Variants in FGGY observed in about 807,000 individuals in gnomAD.
FGGY encodes FGGY carbohydrate kinase domain-containing protein.
In FGGY, 72 loss-of-function variants were observed where a neutral mutation model predicts 71.3. That is an observed-to-expected ratio of 1.01 (90% CI 0.84 to 1.23). The LOEUF (loss-of-function observed/expected upper bound fraction) is 1.23. Ranked by LOEUF, FGGY falls within the 50% of genes most tolerant of loss-of-function variation. The pLI is 0.00. For synonymous variants in FGGY, 251 were observed against 250.3 expected, an observed-to-expected ratio of 1.00 and a Z score of -0.02; for missense variants, 668 against 682.3, an observed-to-expected ratio of 0.98 and a Z score of 0.23.
intron 7 of FGGY, among the ~76,000 whole-genome samples, chr1:59,539,786 G>T (rs1052245790): frequency 3.3e-5 from 5 of 152,118 alleles, no homozygotes; most frequent in African/African-American, 1.2e-4. Flanking sequence ...TTCATCAAAA[G>T]CTTCCATTAA....
intron 12 of FGGY, among the ~76,000 whole-genome samples, chr1:59,665,473 C>A (rs1309963824): frequency 2.6e-5 from 4 of 152,162 alleles, no homozygotes; most frequent in African/African-American, 9.7e-5. Flanking sequence ...CCCTGTCCCT[C>A]ATGATTTATG....
intron 5 of FGGY, among the ~76,000 whole-genome samples, chr1:59,456,218 G>A (rs1216058780): frequency 6.6e-6 from 1 of 152,128 alleles, no homozygotes; most frequent in African/African-American, 2.4e-5. Flanking sequence ...GCGCATTCCA[G>A]ATACCATGTA....
At chr1:59,534,979 C>G (rs1221208364) in intron 7 of FGGY, among the ~76,000 whole-genome samples, 7 of 151,388 alleles carry the variant, frequency 4.6e-5, no homozygotes, top group African/African-American at 1.7e-4. Context: ...TCACACATAA[C>G]AATATTAACT....
chr1:59,307,113 G>A (rs1054982577), intron 1 of FGGY, among the ~76,000 whole-genome samples: 3 of 152,086 alleles, frequency 2.0e-5, no homozygotes, highest in East Asian at 1.9e-4. Context: ...CCAGGAATTC[G>A]AGACCAGCCT....
chr1:59,581,893 T>C (rs933186210), intron 8 of FGGY, among the ~76,000 whole-genome samples: 1 of 150,004 alleles, frequency 6.7e-6, no homozygotes, highest in African/African-American at 2.5e-5. Flanking sequence ...GGGACCGATA[T>C]GTTTAGCTAT....
intron 5 of FGGY, among the ~76,000 whole-genome samples, chr1:59,427,121 C>T (rs2066519830): frequency 6.6e-6 from 1 of 152,136 alleles, no homozygotes; most frequent in Admixed American, 6.5e-5. Context: ...TTCAATTCTC[C>T]CTTTGGAAAG....
At chr1:59,365,148 G>T (rs916850540) in intron 4 of FGGY, among the ~76,000 whole-genome samples, 1 of 152,198 alleles carries the variant, frequency 6.6e-6, no homozygotes. Flanking sequence ...GTTATTCAGC[G>T]TGTAGTTGGT....
At chr1:59,552,588 G>A (rs1308468552) in intron 7 of FGGY, among the ~76,000 whole-genome samples, 1 of 152,168 alleles carries the variant, frequency 6.6e-6, no homozygotes, top group Non-Finnish European at 1.5e-5. Flanking sequence ...TTCAGTATCT[G>A]GGGATTTGTG....
intron 1 of FGGY, among the ~76,000 whole-genome samples, chr1:59,311,240 A>ATT (rs1557501644): frequency 1.5e-3 from 222 of 151,798 alleles, no homozygotes; most frequent in African/African-American, 4.1e-3. Context: ...ACAAACCTGA[A>ATT]ATTTTTTTTT....
chr1:59,394,505 A>G (rs2061085144), intron 5 of FGGY, among the ~76,000 whole-genome samples: 1 of 152,134 alleles, frequency 6.6e-6, no homozygotes, highest in Non-Finnish European at 1.5e-5. Flanking sequence ...TCTTATTTAT[A>G]TTTCATGGGC....
Position 59,499,303 on chromosome 1 carries a change from T to G in FGGY, c.671-13008T>G, listed in dbSNP as rs1178831954. ...AACCCTATGTATACTATGTTTGTTTTTTTTTTTTTTTTGATCTGGTAACTG... is the reference window on the plus strand; with the variant it reads ...AACCCTATGTATACTATGTTTGTTTGTTTTTTTTTTTTGATCTGGTAACTG... On this transcript the variant is annotated intron_variant, in intron 6 of 15. Coordinates refer to ENST00000303721, the MANE Select transcript of FGGY (RefSeq NM_018291.5). Among the ~76,000 whole-genome samples the G allele has an allele frequency of 2.1e-4, 30 of 143,760 alleles. 1 individual carries two copies. Among genetic ancestry groups the G allele is most frequent in the South Asian group, 6.5e-4 (3 of 4,584 alleles). 94.3% of individuals were successfully genotyped at this position (143,760 alleles called of 152,430 possible). A position where few individuals can be genotyped will look rare whatever the true frequency, so the allele number is the denominator to read the frequency against.
Position 59,386,322 on chromosome 1 carries a change from T to C in FGGY, c.554+7485T>C, listed in dbSNP as rs61788355. On this transcript the variant is annotated intron_variant, in intron 5 of 15. Transcript: ENST00000303721. ...TGACAGTTTTGAAGTGTATTGGTCA[T>C]GTATATTGTTGGATGTCCCTCCATT... 7.1e-3 allele frequency among the ~76,000 whole-genome samples: 1,085 copies of C among 152,342 alleles called. 10 individuals are homozygous for C. Among genetic ancestry groups the C allele is most frequent in the Middle Eastern group, 0.014 (4 of 294 alleles).
intron 14 of FGGY, among the ~76,000 whole-genome samples, chr1:59,712,090 A>C (rs753300927): frequency 1.3e-5 from 2 of 152,244 alleles, no homozygotes; most frequent in African/African-American, 4.8e-5. Flanking sequence ...GGATACAGGC[A>C]TTGGGTAAAT....
Position 59,355,042 on chromosome 1 carries a change from A to T in FGGY, c.465+8644A>T, listed in dbSNP as rs539587003. 5.9e-5 allele frequency among the ~76,000 whole-genome samples: 9 copies of T among 152,358 alleles called. No homozygotes were observed. In the East Asian group the frequency reaches 1.7e-3, roughly 29 times the overall value. On this transcript the variant is annotated intron_variant, in intron 4 of 15. Coordinates refer to ENST00000303721, the MANE Select transcript of FGGY (RefSeq NM_018291.5). ...TGGCGAAGTGGGCAAAGGCTGCTGC[A>T]TGCAGCCTTGAGGCCAGGGGCAGGA...
At chr1:59,662,207 C>G (rs1558720218) in intron 12 of FGGY, among the ~76,000 whole-genome samples, 3 of 150,972 alleles carry the variant, frequency 2.0e-5, no homozygotes, top group African/African-American at 2.4e-5. Flanking sequence ...GTAGTCCCAG[C>G]TACTCAGGAG....
At chr1:59,743,205 T>A (rs2098165066) in intron 14 of FGGY, among the ~76,000 whole-genome samples, 1 of 152,210 alleles carries the variant, frequency 6.6e-6, no homozygotes, top group South Asian at 2.1e-4. Flanking sequence ...CCTTCAGATA[T>A]GCATTTCCTT....
At chr1:59,303,050 C>T (rs1204826331) in intron 1 of FGGY, among the ~76,000 whole-genome samples, 1 of 152,124 alleles carries the variant, frequency 6.6e-6, no homozygotes, top group Non-Finnish European at 1.5e-5. Context: ...GTGTGCAACG[C>T]AATTTGATAT....
chr1:59,473,300 G>A (rs562547002), intron 6 of FGGY, among the ~76,000 whole-genome samples: 3 of 151,178 alleles, frequency 2.0e-5, no homozygotes, highest in Admixed American at 6.6e-5. Flanking sequence ...CACTCACCGC[G>A]AAGGTCCGCA....
chr1:59,614,947 G>A (rs1195514435), intron 9 of FGGY, among the ~76,000 whole-genome samples: 2 of 152,182 alleles, frequency 1.3e-5, no homozygotes, highest in Non-Finnish European at 2.9e-5. Context: ...TACAAGGGAT[G>A]TGAATGACCT....
Sources: gnomAD v4.1 joint callset for allele counts (sites outside exome capture counted in the v4.1 genomes callset) on GRCh38, gnomAD v4.1.1 for gene constraint, MANE v1.5 for transcripts, NCBI Gene and HGNC (gene_info 2026-07-23, HGNC 2026-07-21) for gene names.